The following DPP10 variants were observed in gnomAD, a reference collection of about 807,000 sequenced individuals.
The protein encoded by DPP10 is dipeptidyl peptidase like 10.
In DPP10, 33 loss-of-function variants were observed where a neutral mutation model predicts 120.9. The observed-to-expected ratio is 0.27, with a 90% CI of 0.21 to 0.37. The LOEUF is 0.37. DPP10 is among the 10% of genes least tolerant of loss of function. The pLI is 1.00. For synonymous variants in DPP10, 337 were observed against 326.1 expected (o/e 1.03, Z -0.36); for missense variants, 816 against 942.8 (o/e 0.87, Z 1.76).
intron 3 of DPP10, among the ~76,000 whole-genome samples, chr2:115,498,710 A>G (rs1055355369): frequency 6.3e-5 from 1 of 15,990 alleles, no homozygotes; most frequent in Non-Finnish European, 1.2e-4. Flanking sequence ...ATAATTATGT[A>G]TAATTATATA....
At chr2:115,628,553 T>A (rs1218547160) in intron 5 of DPP10, among the ~76,000 whole-genome samples, 1 of 152,186 alleles carries the variant, frequency 6.6e-6, no homozygotes, top group Non-Finnish European at 1.5e-5. Context: ...TTTCTTTTGT[T>A]GTAATTGTTT....
intron 5 of DPP10, among the ~76,000 whole-genome samples, chr2:115,545,486 G>A (rs1341549001): frequency 1.3e-5 from 2 of 152,158 alleles, no homozygotes; most frequent in African/African-American, 4.8e-5. Flanking sequence ...AGATTGGGTC[G>A]GAGTTTTCCA....
At chr2:115,747,345 C>T (rs1678108595) in intron 10 of DPP10, among the ~76,000 whole-genome samples, 1 of 152,122 alleles carries the variant, frequency 6.6e-6, no homozygotes, top group African/African-American at 2.4e-5. Context: ...TTGACCAAAT[C>T]AAATAGTAAC....
intron 1 of DPP10, among the ~76,000 whole-genome samples, chr2:115,130,164 G>C (rs1484516654): frequency 6.6e-6 from 1 of 152,030 alleles, no homozygotes; most frequent in African/African-American, 2.4e-5. Flanking sequence ...TAGCTCAGAT[G>C]GAAGTTGTAG....
intron 1 of DPP10, among the ~76,000 whole-genome samples, chr2:115,258,511 A>G (rs971063806): frequency 2.6e-5 from 4 of 152,142 alleles, no homozygotes; most frequent in African/African-American, 7.2e-5. Context: ...AAATGTTGTT[A>G]AATAAATTAT....
chr2:115,618,894 T>A (rs2084726520), intron 5 of DPP10, among the ~76,000 whole-genome samples: 1 of 151,690 alleles, frequency 6.6e-6, no homozygotes, highest in Non-Finnish European at 1.5e-5. Flanking sequence ...CTTATAATTT[T>A]CTACTACTAC....
In DPP10 at chr2:114,523,606, C is replaced by T. The variant is rs149940771; in HGVS notation, c.60+80768C>T. On this transcript the variant is annotated intron_variant, in intron 1 of 25. Coordinates refer to ENST00000410059, the MANE Select transcript of DPP10 (RefSeq NM_020868.6). ...CACTGAGAGAAGGAAAGAAAAGAGG[C>T]GCTGTAGAGGGAAAAGGAAGTGGGG... is the stretch of plus-strand genomic sequence containing the variant. 1.7e-3 allele frequency among the ~76,000 whole-genome samples: 259 copies of T among 152,066 alleles called. 3 individuals are homozygous for T. The highest frequency in any genetic ancestry group is 0.012 in the South Asian group (57 of 4,806).
chr2:114,662,126 G>C (rs769422648), intron 1 of DPP10, among the ~76,000 whole-genome samples: 1 of 152,152 alleles, frequency 6.6e-6, no homozygotes, highest in Non-Finnish European at 1.5e-5. Context: ...GCTCAGTGGG[G>C]ACCCAGCAAA....
intron 1 of DPP10, among the ~76,000 whole-genome samples, chr2:114,475,628 T>A (rs1369650166): frequency 6.6e-6 from 1 of 152,222 alleles, no homozygotes; most frequent in South Asian, 2.1e-4. Flanking sequence ...TTAACATTTT[T>A]TAAAGACTGC....
chr2:115,108,295 T>C (rs2049047688), intron 1 of DPP10, among the ~76,000 whole-genome samples: 2 of 152,210 alleles, frequency 1.3e-5, no homozygotes, highest in African/African-American at 4.8e-5. Context: ...AGCAGAGGTT[T>C]GGTAGGTAAT....
At chr2:114,602,759 T>C (rs1191507955) in intron 1 of DPP10, among the ~76,000 whole-genome samples, 3 of 152,052 alleles carry the variant, frequency 2.0e-5, no homozygotes, top group East Asian at 1.9e-4. Context: ...TATAAAGTGA[T>C]GTCATAAGTC....
At chr2:115,413,138 T>C (rs1391999678) in intron 3 of DPP10, among the ~76,000 whole-genome samples, 1 of 152,104 alleles carries the variant, frequency 6.6e-6, no homozygotes, top group African/African-American at 2.4e-5. Context: ...TGAACACAGC[T>C]AATCGGACTG....
intron 21 of DPP10, 91 bp downstream of exon 21, chr2:115,815,820 A>C (rs1451868074): frequency 3.1e-6 from 4 of 1,304,500 alleles, no homozygotes; most frequent in Admixed American, 3.9e-5. Flanking sequence ...AGTTGGTTAC[A>C]GATAAGTTCC....
intron 1 of DPP10, among the ~76,000 whole-genome samples, chr2:114,689,985 C>T (rs552639957): frequency 6.6e-6 from 1 of 151,708 alleles, no homozygotes; most frequent in South Asian, 2.1e-4. Context: ...GGATATTAGT[C>T]CTTTGTTAGA....
intron 1 of DPP10, chr2:114,833,884 G>A (rs551149378): frequency 6.6e-6 from 1 of 152,124 alleles, no homozygotes; most frequent in African/African-American, 2.4e-5. Context: ...GGAAGGCACA[G>A]GCAAGAATTT....
intron 1 of DPP10, among the ~76,000 whole-genome samples, chr2:114,797,810 C>T (rs1683847469): frequency 1.3e-5 from 2 of 152,284 alleles, no homozygotes; most frequent in South Asian, 2.1e-4. Flanking sequence ...GTGTTCCTTT[C>T]TTAACATTGA....
At chr2:115,175,045 C>T (rs557435211) in intron 1 of DPP10, among the ~76,000 whole-genome samples, 18 of 152,286 alleles carry the variant, frequency 1.2e-4, no homozygotes, top group Admixed American at 2.6e-4. Flanking sequence ...AAATGAGATT[C>T]GGATCAAGCT....
chr2:114,533,465 G>A (rs1360180106), intron 1 of DPP10, among the ~76,000 whole-genome samples: 2 of 152,014 alleles, frequency 1.3e-5, no homozygotes, highest in East Asian at 1.9e-4. Context: ...CCTGTTGGGT[G>A]GTGGGGTAGG....
At chr2:115,186,796 C>G (rs750266446) in intron 1 of DPP10, among the ~76,000 whole-genome samples, 23 of 151,978 alleles carry the variant, frequency 1.5e-4, no homozygotes, top group Non-Finnish European at 2.8e-4. Context: ...TGGGCTTTAC[C>G]CTAGAAGATG....
Sources: gnomAD v4.1 joint callset for allele counts (sites outside exome capture counted in the v4.1 genomes callset) on GRCh38, gnomAD v4.1.1 for gene constraint, MANE v1.5 for transcripts, NCBI Gene and HGNC (gene_info 2026-07-23, HGNC 2026-07-21) for gene names.